SNRPA1: variants seen among roughly 807,000 people sequenced by gnomAD.
The protein encoded by SNRPA1 is small nuclear ribonucleoprotein polypeptide A', also known as U2 small nuclear ribonucleoprotein A'.
A neutral mutation model predicts 32.3 loss-of-function variants in SNRPA1; 5 were observed. That is an observed-to-expected ratio of 0.15 (90% CI 0.08 to 0.33). The LOEUF (loss-of-function observed/expected upper bound fraction) is 0.33. SNRPA1 is among the 10% of genes least tolerant of loss of function. The probability of loss-of-function intolerance (pLI) is 1.00; values close to 1 mark genes in which losing one functional copy is unlikely to be tolerated. For missense variants in SNRPA1, 198 were observed against 311.1 expected, an observed-to-expected ratio of 0.64 and a Z score of 2.74; for synonymous variants, 111 against 120.1, an observed-to-expected ratio of 0.92 and a Z score of 0.50.
chr15:101,286,786 C>A (rs1415567680), intron 5 of SNRPA1, 122 bp downstream of exon 5: 2 of 615,698 alleles, frequency 3.2e-6, no homozygotes, highest in Non-Finnish European at 2.9e-6. Context: ...TTTTCCCTCC[C>A]ACTTTTATTA....
chr15:101,284,406 A>T (rs1290720026), intron 8 of SNRPA1, among the ~76,000 whole-genome samples: 11 of 152,212 alleles, frequency 7.2e-5, no homozygotes, highest in Admixed American at 7.2e-4. Flanking sequence ...CCACATGGCT[A>T]TCGCTAGTGT....
intron 4 of SNRPA1, among the ~76,000 whole-genome samples, chr15:101,287,441 T>G (rs552245950): frequency 6.6e-6 from 1 of 152,246 alleles, no homozygotes; most frequent in East Asian, 1.9e-4. Context: ...GGTGTTTGGT[T>G]TTTTGTCCTT....
At chr15:101,291,251 A>C (rs1016732135) in intron 3 of SNRPA1, among the ~76,000 whole-genome samples, 2 of 152,216 alleles carry the variant, frequency 1.3e-5, no homozygotes, top group East Asian at 3.8e-4. Context: ...CAGTATCTCA[A>C]TTATGTTAAA....
intron 2 of SNRPA1, 146 bp from the exon 3 acceptor site, chr15:101,292,186 C>A: frequency 1.7e-6 from 1 of 596,320 alleles, no homozygotes; most frequent in Admixed American, 3.0e-5. Flanking sequence ...AAAAAGAACC[C>A]TTTTCTGAGG....
At chr15:101,284,066 C>T (rs12909636) in intron 8 of SNRPA1, among the ~76,000 whole-genome samples, 38,526 of 152,216 alleles carry the variant, frequency 0.25, 5,490 homozygotes, top group Middle Eastern at 0.34. Context: ...ACTTGTAAGA[C>T]GTATTTCAGT....
At chr15:101,281,846 AGT>A (rs775156717) in intron 8 of SNRPA1, 64 bp from the exon 9 acceptor site, 52 of 1,493,956 alleles carry the variant, frequency 3.5e-5, no homozygotes, top group Non-Finnish European at 4.8e-5. Context: ...TTAGCATGCA[AGT>A]GTTTGTTCTG....
At chr15:101,291,589 A>G (rs1006545684) in intron 3 of SNRPA1, among the ~76,000 whole-genome samples, 1 of 151,422 alleles carries the variant, frequency 6.6e-6, no homozygotes, top group African/African-American at 2.4e-5. Flanking sequence ...CATCTCAATT[A>G]TAAGTAGCCA....
At chr15:101,292,061 T>TAGTAA (rs1353193420) in intron 2 of SNRPA1, 21 bp from the exon 3 acceptor site, 1 of 1,546,058 alleles carries the variant, frequency 6.5e-7, no homozygotes, top group Non-Finnish European at 8.9e-7. Flanking sequence ...AATAGAGTCT[T>TAGTAA]AGTAAAAGTG....
At chr15:101,286,074 CAT>C in intron 6 of SNRPA1, 138 bp downstream of exon 6, 1 of 713,124 alleles carries the variant, frequency 1.4e-6, no homozygotes, top group Non-Finnish European at 2.4e-6. Context: ...CATTGATGTA[CAT>C]GGACTATAAG....
chr15:101,284,942 C>G (rs773751306), intron 8 of SNRPA1, 25 bp downstream of exon 8: 1 of 1,562,200 alleles, frequency 6.4e-7, no homozygotes, highest in African/African-American at 1.3e-5. Context: ...TTAATTTGAA[C>G]ATACAAAGAA....
chr15:101,285,964 T>C (rs997811972), intron 6 of SNRPA1, 163 bp from the exon 7 acceptor site: 1 of 639,826 alleles, frequency 1.6e-6, no homozygotes. Flanking sequence ...CCAGTTCATC[T>C]TCCTATATAG....
At chr15:101,290,065 G>T (rs1319238756) in intron 3 of SNRPA1, 1 of 151,972 alleles carries the variant, frequency 6.6e-6, no homozygotes, top group Non-Finnish European at 1.5e-5. Context: ...AGATTGTTTC[G>T]AGGTAAAAGA....
At position 101,281,705 on chromosome 15, in the gene SNRPA1, T is replaced by C. The variant is rs1221903615; in HGVS notation, c.*19A>G. On this transcript the variant is annotated 3_prime_UTR_variant, in exon 9 of 9. Coordinates refer to ENST00000254193, the MANE Select transcript of SNRPA1 (RefSeq NM_003090.4). ...GACTTGTTCCAAGAGGGCCTATTAT[T>C]ATACATCTGCCTCACTGCTCAGGAC... The C allele has an allele frequency of 1.9e-6, 3 of 1,588,452 alleles. No homozygotes were observed. In the East Asian group the frequency reaches 6.7e-5, roughly 35 times the overall value.
Position 101,281,592 on chromosome 15 carries a change from T to G in SNRPA1, c.*132A>C. 3 of 651,858 alleles carry G rather than the reference T, an allele frequency of 4.6e-6. No homozygotes were observed. The highest frequency in any genetic ancestry group is 8.3e-6 in the Non-Finnish European group (3 of 360,590). 40.4% of individuals were successfully genotyped at this position (651,858 alleles called of 1,614,324 possible). ...TTTCAAAACTTATATTACAAAATTA[T>G]CAGCAGCAGTCTTAAGCATTTCAAC... On this transcript the variant is annotated 3_prime_UTR_variant, in exon 9 of 9. Coordinates refer to ENST00000254193, the MANE Select transcript of SNRPA1 (RefSeq NM_003090.4).
chr15:101,282,538 TTCC>T (rs2039407966), intron 8 of SNRPA1, among the ~76,000 whole-genome samples: 1 of 152,248 alleles, frequency 6.6e-6, no homozygotes, highest in South Asian at 2.1e-4. Flanking sequence ...AAATGGTAGC[TTCC>T]TCAAGGTTAG....
In SNRPA1 at chr15:101,286,206, T is replaced by C; in HGVS notation, c.539+8A>G. On this transcript the variant is annotated splice_region_variant and intron_variant, in intron 6 of 8. Coordinates refer to ENST00000254193, the MANE Select transcript of SNRPA1 (RefSeq NM_003090.4). ...GAAGTAGAGTTAAGTTGGATATCCG[T>C]GTCTTACGTTTTGCTTCTCCTGGCA... 6.2e-7 allele frequency: 1 copy of C among 1,611,580 alleles called. No individual in the cohort carries two copies. The highest frequency in any genetic ancestry group is 8.5e-7 in the Non-Finnish European group (1 of 1,177,736).
At chr15:101,294,894 AC>A (rs1403319599) in intron 1 of SNRPA1, 2 of 437,932 alleles carry the variant, frequency 4.6e-6, no homozygotes, top group Non-Finnish European at 8.2e-6. Context: ...CACGGCGCTA[AC>A]AGAAGGCTCC....
At chr15:101,292,923 G>A in intron 2 of SNRPA1, 102 bp downstream of exon 2, 2 of 634,372 alleles carry the variant, frequency 3.2e-6, no homozygotes, top group Admixed American at 3.6e-5. Context: ...AAAAGAAAAA[G>A]AAACATGTAG....
chr15:101,291,518 A>C (rs1171954033), intron 3 of SNRPA1, among the ~76,000 whole-genome samples: 1 of 117,122 alleles, frequency 8.5e-6, no homozygotes, highest in Non-Finnish European at 1.7e-5. Context: ...GAGATAGTTT[A>C]CTTTTTTTTT....
Sources: allele counts gnomAD v4.1 joint callset (sites outside exome capture counted in the v4.1 genomes callset), GRCh38; gene constraint gnomAD v4.1.1; transcripts MANE v1.5; gene names NCBI Gene and HGNC (gene_info 2026-07-23, HGNC 2026-07-21).